The following SNX29 variants were observed in gnomAD, a reference collection of about 807,000 sequenced individuals.
SNX29 encodes the protein sorting nexin-29.
Under a neutral mutation model 102.1 loss-of-function variants are expected in SNX29, and 78 were observed. The ratio of observed to expected loss-of-function variants is 0.76; its 90% CI spans 0.64 to 0.92. The LOEUF is 0.92. Ranked by LOEUF, SNX29 falls within the 40% of genes least tolerant of loss-of-function variation. The pLI, the probability that SNX29 is intolerant of heterozygous loss-of-function variation, is 0.00. For synonymous variants in SNX29, 580 were observed against 414.5 expected, an observed-to-expected ratio of 1.40 and a Z score of -4.85; for missense variants, 1,280 against 1,061.7, an observed-to-expected ratio of 1.21 and a Z score of -2.86.
intron 7 of SNX29, among the ~76,000 whole-genome samples, chr16:12,050,340 G>A (rs1388342535): frequency 1.3e-5 from 2 of 152,238 alleles, no homozygotes; most frequent in Non-Finnish European, 2.9e-5. Context: ...TCTTCTGTGA[G>A]TGCTGGTCAC....
chr16:12,490,343 C>A (rs1305121229), intron 19 of SNX29, among the ~76,000 whole-genome samples: 2 of 152,228 alleles, frequency 1.3e-5, no homozygotes, highest in African/African-American at 4.8e-5. Context: ...AGCATCACAT[C>A]TGTGAGCTTC....
intron 16 of SNX29, among the ~76,000 whole-genome samples, chr16:12,387,820 C>G (rs905349029): frequency 6.6e-6 from 1 of 152,170 alleles, no homozygotes; most frequent in Admixed American, 6.5e-5. Flanking sequence ...CATTCTTCCC[C>G]TACTTCCATG....
At chr16:12,323,413 G>A (rs953165573) in intron 15 of SNX29, among the ~76,000 whole-genome samples, 9 of 151,818 alleles carry the variant, frequency 5.9e-5, no homozygotes. Flanking sequence ...TAAAGAAAAC[G>A]AGCATCATTT....
At chr16:12,037,456 AC>A (rs2057508031) in intron 4 of SNX29, among the ~76,000 whole-genome samples, 1 of 152,156 alleles carries the variant, frequency 6.6e-6, no homozygotes. Flanking sequence ...TGAAGGCGGT[AC>A]CAAAAAACTT....
At chr16:12,477,534 C>T (rs745560322) in intron 18 of SNX29, among the ~76,000 whole-genome samples, 185 bp from the exon 19 acceptor site, 10 of 152,170 alleles carry the variant, frequency 6.6e-5, no homozygotes, top group Admixed American at 2.0e-4. Context: ...GTCATTCTTG[C>T]CTGTACCCAT....
intron 15 of SNX29, among the ~76,000 whole-genome samples, chr16:12,289,045 G>T (rs1046737189): frequency 6.6e-5 from 10 of 152,192 alleles, no homozygotes; most frequent in Admixed American, 2.6e-4. Flanking sequence ...AAACATGCTG[G>T]CTATTAGCTT....
intron 16 of SNX29, among the ~76,000 whole-genome samples, chr16:12,391,730 G>C (rs767773014): frequency 6.6e-6 from 1 of 152,088 alleles, no homozygotes; most frequent in Admixed American, 6.5e-5. Flanking sequence ...AAATACTTCA[G>C]TAGGCACATA....
intron 20 of SNX29, among the ~76,000 whole-genome samples, chr16:12,554,009 G>T (rs1231602811): frequency 6.6e-6 from 1 of 152,032 alleles, no homozygotes; most frequent in African/African-American, 2.4e-5. Context: ...ATTTTTAGTA[G>T]AGACAGCGTT....
chr16:12,211,974 A>T (rs2077196522), intron 14 of SNX29, among the ~76,000 whole-genome samples: 1 of 152,152 alleles, frequency 6.6e-6, no homozygotes, highest in South Asian at 2.1e-4. Flanking sequence ...ACAGTCATCC[A>T]CCTAGAAAGT....
At chr16:12,503,918 A>C (rs1190477760) in intron 19 of SNX29, among the ~76,000 whole-genome samples, 1 of 152,204 alleles carries the variant, frequency 6.6e-6, no homozygotes, top group Non-Finnish European at 1.5e-5. Flanking sequence ...CACACACCAT[A>C]CGATTTAACC....
At chr16:12,334,628 G>A (rs774508233) in intron 15 of SNX29, among the ~76,000 whole-genome samples, 30 of 152,082 alleles carry the variant, frequency 2.0e-4, no homozygotes, top group East Asian at 3.9e-4. Flanking sequence ...TGGCTAATTC[G>A]GTTTTTAGGA....
intron 15 of SNX29, among the ~76,000 whole-genome samples, chr16:12,355,774 C>T (rs927653599): frequency 2.1e-5 from 3 of 142,234 alleles, no homozygotes; most frequent in Middle Eastern, 3.8e-3. Flanking sequence ...GGCAGGACCA[C>T]AGCGCATAGC....
chr16:12,018,651 T>G (rs2056922275), intron 3 of SNX29, among the ~76,000 whole-genome samples: 1 of 152,078 alleles, frequency 6.6e-6, no homozygotes, highest in African/African-American at 2.4e-5. Context: ...TCTCCTCTAG[T>G]TTTGTCTACC....
intron 10 of SNX29, among the ~76,000 whole-genome samples, chr16:12,073,055 C>T (rs1185904364): frequency 2.0e-5 from 3 of 152,062 alleles, no homozygotes; most frequent in African/African-American, 4.8e-5. Context: ...TGATTCTTCT[C>T]TCTTTTTTTC....
At chr16:11,980,115 C>G (rs1376687557) in intron 1 of SNX29, among the ~76,000 whole-genome samples, 1 of 151,368 alleles carries the variant, frequency 6.6e-6, no homozygotes, top group Admixed American at 6.6e-5. Context: ...GTTAATTTCA[C>G]AACATTTTAA....
chr16:12,025,738 G>A (rs920782501), intron 3 of SNX29, among the ~76,000 whole-genome samples: 1 of 152,210 alleles, frequency 6.6e-6, no homozygotes, highest in African/African-American at 2.4e-5. Context: ...GCTGTGTTAG[G>A]GGTGTGTAGT....
rs184045498 is a variant in SNX29 at position 12,117,025 on chromosome 16, C to G, written c.1403-9608C>G. Among the ~76,000 whole-genome samples the G allele has an allele frequency of 2.6e-3, 385 of 147,112 alleles. 2 individuals carry two copies. The highest frequency in any genetic ancestry group is 9.2e-3 in the African/African-American group (364 of 39,666). On this transcript the variant is annotated intron_variant, in intron 11 of 20. Transcript: ENST00000566228. ...TGGTCAATACGTGCTTCAGTGCGGA[C>G]GAACCATGGAAACAGGCGTGTTCAA...
chr16:12,572,009 A>T lies in SNX29; in HGVS notation c.*3380A>T. The T allele has an allele frequency of 3.8e-6, 4 of 1,062,616 alleles. No individual in the cohort carries two copies. Among genetic ancestry groups the T allele is most frequent in the Non-Finnish European group, 4.6e-6 (4 of 877,608 alleles). The allele number at this position is 1,062,616 out of a possible 1,614,324, so 65.8% of individuals were successfully genotyped here. A position where few individuals can be genotyped will look rare whatever the true frequency, so the allele number is the denominator to read the frequency against. ...ATCCAGTCACCAGTTGCATCTAGGG[A>T]GCTGCTGGCTATAAAAGGGATCATC... On this transcript the variant is annotated 3_prime_UTR_variant, in exon 21 of 21. Transcript: ENST00000566228.
chr16:12,448,765 C>G (rs1054716945), intron 18 of SNX29, among the ~76,000 whole-genome samples: 1 of 152,198 alleles, frequency 6.6e-6, no homozygotes, highest in Non-Finnish European at 1.5e-5. Flanking sequence ...ATAGTCATGT[C>G]TGTCAGTCTT....
Sources: gnomAD v4.1 joint callset for allele counts (sites outside exome capture counted in the v4.1 genomes callset) on GRCh38, gnomAD v4.1.1 for gene constraint, MANE v1.5 for transcripts, NCBI Gene and HGNC (gene_info 2026-07-23, HGNC 2026-07-21) for gene names.